NRXN1: variants seen among roughly 807,000 people sequenced by gnomAD.
NRXN1 encodes the protein neurexin-1.
A neutral mutation model predicts 150.9 loss-of-function variants in NRXN1; 39 were observed. The ratio of observed to expected loss-of-function variants is 0.26; its 90% confidence interval spans 0.20 to 0.34. NRXN1 has a LOEUF of 0.34. Ranked by LOEUF, NRXN1 falls within the 10% of genes least tolerant of loss-of-function variation. The probability of loss-of-function intolerance (pLI) is 1.00; values close to 1 mark genes in which losing one functional copy is unlikely to be tolerated. For missense variants in NRXN1, 1,815 were observed against 1,949.9 expected, an observed-to-expected ratio of 0.93 and a Z score of 1.30; for synonymous variants, 924 against 757.0, an observed-to-expected ratio of 1.22 and a Z score of -3.62.
intron 17 of NRXN1, among the ~76,000 whole-genome samples, chr2:50,337,917 T>A (rs2077297039): frequency 6.6e-6 from 1 of 152,254 alleles, no homozygotes; most frequent in Admixed American, 6.5e-5. Context: ...GGCATCCAGA[T>A]ATCAATACCT....
chr2:50,617,868 T>C (rs1275899958), intron 8 of NRXN1, among the ~76,000 whole-genome samples: 1 of 152,220 alleles, frequency 6.6e-6, no homozygotes, highest in African/African-American at 2.4e-5. Context: ...AATTTGAAAC[T>C]GTTATTTTAG....
intron 21 of NRXN1, among the ~76,000 whole-genome samples, chr2:49,948,724 G>T (rs1439420261): frequency 6.6e-6 from 1 of 151,970 alleles, no homozygotes; most frequent in East Asian, 1.9e-4. Flanking sequence ...ACTTGCTGTT[G>T]AGAGAGTGGT....
intron 5 of NRXN1, among the ~76,000 whole-genome samples, chr2:50,706,283 A>G (rs1008493220): frequency 6.6e-6 from 1 of 152,186 alleles, no homozygotes; most frequent in Non-Finnish European, 1.5e-5. Context: ...TGATACATAT[A>G]CCTGCTGGGT....
At chr2:50,566,409 A>ATTTTTTTTTTT (rs35437819) in intron 8 of NRXN1, among the ~76,000 whole-genome samples, 1 of 130,078 alleles carries the variant, frequency 7.7e-6, no homozygotes, top group African/African-American at 2.9e-5. Flanking sequence ...ACGCCCAGCT[A>ATTTTTTTTTTT]TTTTTTTTTT....
At chr2:49,959,316 C>G (rs1055865531) in intron 21 of NRXN1, among the ~76,000 whole-genome samples, 3 of 152,136 alleles carry the variant, frequency 2.0e-5, no homozygotes, top group South Asian at 4.1e-4. Flanking sequence ...GCTTTGCTAC[C>G]TGAAAAACTC....
chr2:50,590,418 T>C (rs1266626755), intron 8 of NRXN1, among the ~76,000 whole-genome samples: 1 of 152,204 alleles, frequency 6.6e-6, no homozygotes, highest in Non-Finnish European at 1.5e-5. Flanking sequence ...TTATAGACTA[T>C]TCTGTTAGTA....
chr2:50,115,616 C>T (rs948776108), intron 18 of NRXN1, among the ~76,000 whole-genome samples: 10 of 151,858 alleles, frequency 6.6e-5, no homozygotes, highest in African/African-American at 2.4e-4. Context: ...AGCTGAGGTT[C>T]ACCAATATCC....
chr2:50,209,263 G>C (rs2152841982), intron 18 of NRXN1, among the ~76,000 whole-genome samples: 1 of 152,260 alleles, frequency 6.6e-6, no homozygotes, highest in South Asian at 2.1e-4. Flanking sequence ...TTGGACTCTA[G>C]CGTTCATTAT....
intron 18 of NRXN1, among the ~76,000 whole-genome samples, chr2:50,235,776 G>T (rs1385741980): frequency 1.3e-5 from 2 of 151,958 alleles, no homozygotes; most frequent in Admixed American, 1.3e-4. Flanking sequence ...GTCGCTTAAT[G>T]CATGGGAAAT....
At chr2:50,216,753 T>C (rs529649636) in intron 18 of NRXN1, among the ~76,000 whole-genome samples, 4 of 152,118 alleles carry the variant, frequency 2.6e-5, no homozygotes, top group South Asian at 2.1e-4. Flanking sequence ...TCAACACAAG[T>C]TTTAATGATC....
rs1194667000 is a variant in NRXN1 at position 50,159,905 on chromosome 2, C to T, written c.3547-68411G>A. 2.6e-5 allele frequency among the ~76,000 whole-genome samples: 4 copies of T among 152,192 alleles called. No homozygotes were observed. The East Asian group carries it at 5.8e-4, about 22-fold the overall frequency. ...TGTGGAAGAAAAAAAAATTATTCAA[C>T]GTCCAAGACTTTGTGTTTGTGAAAA... On this transcript the variant is annotated intron_variant, in intron 18 of 22. Coordinates refer to ENST00000401669, the MANE Select transcript of NRXN1 (RefSeq NM_001330078.2).
At chr2:50,485,136 T>C (rs1234156026) in intron 15 of NRXN1, among the ~76,000 whole-genome samples, 1 of 152,190 alleles carries the variant, frequency 6.6e-6, no homozygotes, top group Non-Finnish European at 1.5e-5. Flanking sequence ...ACTGATCTAA[T>C]TGTTGTGAGG....
chr2:50,122,161 T>C (rs992856339), intron 18 of NRXN1, among the ~76,000 whole-genome samples: 5 of 152,196 alleles, frequency 3.3e-5, no homozygotes, highest in Non-Finnish European at 7.4e-5. Context: ...AAAAATTCCA[T>C]TTGTTTACCA....
chr2:50,200,862 G>T (rs191371682), intron 18 of NRXN1, among the ~76,000 whole-genome samples: 11 of 152,062 alleles, frequency 7.2e-5, no homozygotes, highest in African/African-American at 2.4e-4. Context: ...ACCTTCTCTC[G>T]TCTTCCTATT....
rs913791557 is a variant in NRXN1, at chr2:49,919,785, T to C, written c.*2159A>G. 1.3e-5 allele frequency: 2 copies of C among 152,162 alleles called. No individual in the cohort carries two copies. The highest frequency in any genetic ancestry group is 2.4e-5 in the African/African-American group (1 of 41,468). The allele number at this position is 152,162 out of a possible 1,614,324, so 9.4% of individuals were successfully genotyped here. A position where few individuals can be genotyped will look rare whatever the true frequency, so the allele number is the denominator to read the frequency against. On this transcript the variant is annotated 3_prime_UTR_variant, in exon 23 of 23. Transcript: ENST00000401669. ...GGTCATAAAAAGCCACTAAATTTCT[T>C]TGTACACAACAATTACTTGGCAACC...
intron 19 of NRXN1, among the ~76,000 whole-genome samples, chr2:50,061,883 A>G (rs1205821194): frequency 2.0e-5 from 3 of 152,204 alleles, no homozygotes; most frequent in Non-Finnish European, 2.9e-5. Context: ...ATGAAACTGC[A>G]TGTAAAATTT....
intron 17 of NRXN1, among the ~76,000 whole-genome samples, chr2:50,440,578 G>A (rs956692715): frequency 1.3e-5 from 2 of 152,012 alleles, no homozygotes; most frequent in African/African-American, 2.4e-5. Flanking sequence ...TAAGATAGGA[G>A]GTGTATAATT....
intron 5 of NRXN1, among the ~76,000 whole-genome samples, chr2:50,698,418 C>T (rs1241531779): frequency 6.6e-6 from 1 of 152,110 alleles, no homozygotes; most frequent in African/African-American, 2.4e-5. Flanking sequence ...AAGAGATTGT[C>T]AATAATGTAA....
At chr2:50,204,574 G>A (rs1188012476) in intron 18 of NRXN1, among the ~76,000 whole-genome samples, 1 of 152,034 alleles carries the variant, frequency 6.6e-6, no homozygotes, top group Non-Finnish European at 1.5e-5. Context: ...CCTTAAAAAT[G>A]AGAAGTGTTA....
Sources: gnomAD v4.1 joint callset for allele counts (sites outside exome capture counted in the v4.1 genomes callset) on GRCh38, gnomAD v4.1.1 for gene constraint, MANE v1.5 for transcripts, NCBI Gene and HGNC (gene_info 2026-07-23, HGNC 2026-07-21) for gene names.